The following EFCAB5 variants were observed in gnomAD, a reference collection of about 807,000 sequenced individuals.
EFCAB5 encodes EF-hand calcium binding domain 5.
EFCAB5 carries 131 observed loss-of-function variants against 167.9 expected under a neutral mutation model. That is an observed-to-expected ratio of 0.78 (90% CI 0.68 to 0.90). The LOEUF (loss-of-function observed/expected upper bound fraction) is 0.90, where lower values mean the gene tolerates loss of function less well. Ranked by LOEUF, EFCAB5 falls within the 40% of genes least tolerant of loss-of-function variation. The pLI, the probability that EFCAB5 is intolerant of heterozygous loss-of-function variation, is 0.00. For missense variants in EFCAB5, 1,663 were observed against 1,745.2 expected, an observed-to-expected ratio of 0.95 and a Z score of 0.84; for synonymous variants, 574 against 602.8, an observed-to-expected ratio of 0.95 and a Z score of 0.70.
At chr17:30,054,205 A>G in intron 10 of EFCAB5, 57 bp downstream of exon 10, 2 of 1,461,290 alleles carry the variant, frequency 1.4e-6, no homozygotes, top group South Asian at 1.5e-5. Context: ...TGGTTTTTAA[A>G]GTCTTTTCAG....
intron 8 of EFCAB5, among the ~76,000 whole-genome samples, chr17:30,038,989 C>T (rs1294495511): frequency 6.6e-6 from 1 of 152,150 alleles, no homozygotes; most frequent in African/African-American, 2.4e-5. Context: ...CCCAAACTCT[C>T]AGCAATGCAG....
Position 30,043,733 on chromosome 17 carries a change from A to G in EFCAB5, c.1201-7385A>G, listed in dbSNP as rs144621974. Among the ~76,000 whole-genome samples the G allele has an allele frequency of 2.7e-3, 415 of 152,366 alleles. 3 individuals carry two copies. The highest frequency in any genetic ancestry group is 7.2e-3 in the African/African-American group (299 of 41,592). On this transcript the variant is annotated intron_variant, in intron 8 of 22. Coordinates refer to ENST00000394835, the MANE Select transcript of EFCAB5 (RefSeq NM_198529.4). ...TAAGAAATGAAAGACCTAAATAATAAGAAAGATCCTTTATTGTTTCTGTCA... is the reference window on the plus strand; with the variant it reads ...TAAGAAATGAAAGACCTAAATAATAGGAAAGATCCTTTATTGTTTCTGTCA...
rs757952429 is a variant in EFCAB5 at position 30,107,854 on chromosome 17, T to C, written c.4342T>C (p.Trp1448Arg). ...TGCAGATCATTCCCGAACTGAAGTATGGAAATTTGGTAATGTTGTCATTGA... is the reference window on the plus strand; with the variant it reads ...TGCAGATCATTCCCGAACTGAAGTACGGAAATTTGGTAATGTTGTCATTGA... ...YIRDHSRTEV[W>R]KFGNVVIEHL... The change falls in exon 23 of 23, where the codon TGG becomes CGG. Residue 1448 changes from tryptophan (W) to arginine (R), a missense_variant. Trp to Arg is a moderately radical substitution (Grantham distance 101, BLOSUM62 -3). Transcript: ENST00000394835. 2.8e-5 allele frequency: 44 copies of C among 1,577,008 alleles called. No individual in the cohort carries two copies. In the East Asian group the frequency reaches 8.2e-4, roughly 29 times the overall value.
rs1169797123 is a variant in EFCAB5, at chr17:30,097,043, CATATACAT to C, written c.4321+4113_4321+4120del. Among the ~76,000 whole-genome samples, 18 of 77,254 alleles carry C rather than the reference CATATACAT, an allele frequency of 2.3e-4. No homozygotes were observed. The East Asian group carries it at 2.8e-3, about 12-fold the overall frequency. 50.7% of individuals were successfully genotyped at this position (77,254 alleles called of 152,430 possible). A position where few individuals can be genotyped will look rare whatever the true frequency, so the allele number is the denominator to read the frequency against. On this transcript the variant is annotated intron_variant, in intron 22 of 22. Transcript: ENST00000394835. ...ACATATACATATACATATACATATA[CATATACAT>C]ATATATATATTTTTTTTTTTTTGAG...
rs911329065 is a variant in EFCAB5, at chr17:29,930,633, C to T, written c.-127+1304C>T. ...CGGAGTTTCAAACCCTCTCACTGGG[C>T]GCAGACAGAACTGGGCTAGACCAGT... On this transcript the variant is annotated intron_variant, in intron 1 of 3. Coordinates refer to the EFCAB5 transcript ENST00000448319. Among the ~76,000 whole-genome samples the T allele has an allele frequency of 2.0e-4, 30 of 152,014 alleles. 1 individual carries two copies. Among genetic ancestry groups the T allele is most frequent in the Non-Finnish European group, 1.2e-4 (8 of 67,992 alleles).
rs182672483 is a variant in EFCAB5 at position 30,053,450 on chromosome 17, C to T, written c.1496C>T (p.Ser499Leu). ...DQPKLNEQRT[S>L]TPSPNPPEQQ... is the part of the protein sequence containing the mutation. ...CCTAAACTTAACGAACAGAGAACAT[C>T]AACACCATCACCAAACCCGCCAGAA... is the stretch of plus-strand genomic sequence containing the variant. Residue 499 changes from serine to leucine, a missense_variant, in exon 10 of 23, where the codon TCA becomes TTA. Physicochemically the swap from Ser to Leu is moderately radical, Grantham distance 145. Transcript: ENST00000394835. 2.4e-4 allele frequency: 391 copies of T among 1,613,968 alleles called. No homozygotes were observed. The African/African-American group carries it at 4.5e-3, about 19-fold the overall frequency.
At chr17:30,019,022 C>T (rs898607966) in intron 7 of EFCAB5, among the ~76,000 whole-genome samples, 3 of 152,124 alleles carry the variant, frequency 2.0e-5, no homozygotes, top group South Asian at 4.2e-4. Context: ...AGCCTGACAC[C>T]AGTTTGTTTT....
chr17:30,002,595 T>G (rs2068685633), intron 7 of EFCAB5, among the ~76,000 whole-genome samples: 1 of 152,226 alleles, frequency 6.6e-6, no homozygotes, highest in South Asian at 2.1e-4. Context: ...CTGTTAAACA[T>G]CATTTAGAAA....
intron 8 of EFCAB5, among the ~76,000 whole-genome samples, chr17:30,036,080 TTA>T (rs1365097117): frequency 6.9e-6 from 1 of 144,846 alleles, no homozygotes; most frequent in Non-Finnish European, 1.5e-5. Context: ...TATATATATT[TTA>T]TATATAACCA....
At chr17:29,987,555 G>A (rs2068313924) in intron 4 of EFCAB5, among the ~76,000 whole-genome samples, 3 of 152,028 alleles carry the variant, frequency 2.0e-5, no homozygotes. Flanking sequence ...TGGTCTTTAG[G>A]CAGGCTAAAA....
chr17:30,092,716 C>T, intron 21 of EFCAB5, 124 bp from the exon 22 acceptor site: 1 of 612,980 alleles, frequency 1.6e-6, no homozygotes, highest in Non-Finnish European at 2.8e-6. Flanking sequence ...TCACTTCTAA[C>T]ACCATTGATT....
Position 30,053,911 on chromosome 17 carries a change from C to G in EFCAB5, c.1957C>G (p.Gln653Glu). 4 of 1,613,994 alleles carry G rather than the reference C, an allele frequency of 2.5e-6. No individual in the cohort carries two copies. The highest frequency in any genetic ancestry group is 3.4e-6 in the Non-Finnish European group (4 of 1,179,896). ...AGAAGAACCATACCAAAAATCAGAA[C>G]AAGGACCTTATGGAGAGATAATTTC... ...VIEEPYQKSEQGPYGEIISEE... is the reference protein window; with the variant it reads ...VIEEPYQKSEEGPYGEIISEE... The change falls in exon 10 of 23, where the codon CAA becomes GAA. Residue 653 changes from glutamine to glutamate, a missense_variant. By Grantham distance (29) the Gln-to-Glu change is conservative (BLOSUM62 2). Coordinates refer to ENST00000394835, the MANE Select transcript of EFCAB5 (RefSeq NM_198529.4).
Position 29,993,325 on chromosome 17 carries a change from A to G in EFCAB5, c.924+4A>G. 1 of 1,610,020 alleles carries G rather than the reference A, an allele frequency of 6.2e-7. No individual in the cohort carries two copies. Among genetic ancestry groups the G allele is most frequent in the Non-Finnish European group, 8.5e-7 (1 of 1,177,774 alleles). On this transcript the variant is annotated splice_donor_region_variant and intron_variant, in intron 5 of 22. Coordinates refer to ENST00000394835, the MANE Select transcript of EFCAB5 (RefSeq NM_198529.4). ...AGGAATGATTCCTAAGTCAGTGGTA[A>G]GAAAATTGGGGGTATATGTGAAAGG...
chr17:29,971,457 CTGT>C (rs1304398979), intron 4 of EFCAB5, among the ~76,000 whole-genome samples: 2 of 152,158 alleles, frequency 1.3e-5, no homozygotes, highest in African/African-American at 4.8e-5. Flanking sequence ...AATGCTGCTT[CTGT>C]TACTGCTTCA....
At chr17:30,091,812 A>G (rs1383283458) in intron 20 of EFCAB5, 59 bp from the exon 21 acceptor site, 2 of 1,545,676 alleles carry the variant, frequency 1.3e-6, no homozygotes, top group Admixed American at 3.8e-5. Flanking sequence ...TGAAAAAGTA[A>G]TGTACAGCAA....
chr17:30,032,612 AATT>A (rs779121765), intron 7 of EFCAB5, among the ~76,000 whole-genome samples: 1 of 152,186 alleles, frequency 6.6e-6, no homozygotes. Context: ...TTGTTAAAAT[AATT>A]ATTATCTTCC....
At chr17:30,080,670 A>G in intron 16 of EFCAB5, 83 bp from the exon 17 acceptor site, 11 of 1,022,334 alleles carry the variant, frequency 1.1e-5, no homozygotes, top group Non-Finnish European at 1.6e-5. Flanking sequence ...GATTGTGAAT[A>G]GAGAATCGCT....
At position 29,981,399 on chromosome 17, in the gene EFCAB5, C is replaced by T. The variant is rs561826451; in HGVS notation, c.768-11766C>T. The stretch of plus-strand genomic sequence containing the variant: ...TATGCCATTCCCTCTGCCTATACTA[C>T]TTTCTTCCTCTTTACTTAATCCTAC... On this transcript the variant is annotated intron_variant, in intron 4 of 22. Transcript: ENST00000394835. Among the ~76,000 whole-genome samples, 3 of 152,298 alleles carry T rather than the reference C, an allele frequency of 2.0e-5. No homozygotes were observed. The South Asian group carries it at 6.2e-4, about 32-fold the overall frequency.
At chr17:29,968,572 T>C (rs765270268) in intron 3 of EFCAB5, among the ~76,000 whole-genome samples, 5 of 152,190 alleles carry the variant, frequency 3.3e-5, no homozygotes, top group Non-Finnish European at 7.3e-5. Flanking sequence ...CCTACGTATT[T>C]AATGAAATCA....
Sources: allele counts gnomAD v4.1 joint callset (sites outside exome capture counted in the v4.1 genomes callset), GRCh38; gene constraint gnomAD v4.1.1; transcripts MANE v1.5; gene names NCBI Gene and HGNC (gene_info 2026-07-23, HGNC 2026-07-21).